AP1AR: variants seen among roughly 807,000 people sequenced by gnomAD.
AP1AR encodes the protein AP-1 complex-associated regulatory protein.
In AP1AR, 29 loss-of-function variants were observed where a neutral mutation model predicts 46.3. The ratio of observed to expected loss-of-function variants is 0.63; its 90% confidence interval spans 0.47 to 0.85. The LOEUF (loss-of-function observed/expected upper bound fraction) is 0.85, where lower values mean the gene tolerates loss of function less well. Among genes scored for constraint, AP1AR ranks in the 40% least tolerant of loss-of-function variants. The probability of loss-of-function intolerance (pLI) is 0.00; values close to 1 mark genes in which losing one functional copy is unlikely to be tolerated. For synonymous variants in AP1AR, 122 were observed against 122.9 expected, an observed-to-expected ratio of 0.99 and a Z score of 0.05; for missense variants, 357 against 356.3, an observed-to-expected ratio of 1.00 and a Z score of -0.02.
At chr4:112,239,877 C>T (rs896517389) in intron 1 of AP1AR, among the ~76,000 whole-genome samples, 1 of 152,208 alleles carries the variant, frequency 6.6e-6, no homozygotes, top group African/African-American at 2.4e-5. Flanking sequence ...AGTGTACCAG[C>T]GGTGCTTGCC....
chr4:112,244,918 C>T (rs1388217068), intron 1 of AP1AR, among the ~76,000 whole-genome samples: 1 of 152,066 alleles, frequency 6.6e-6, no homozygotes, highest in Non-Finnish European at 1.5e-5. Flanking sequence ...TGTTTTTTAG[C>T]TTCCTTATTT....
intron 3 of AP1AR, among the ~76,000 whole-genome samples, chr4:112,256,471 T>A (rs1192132067): frequency 6.6e-6 from 1 of 152,246 alleles, no homozygotes; most frequent in Non-Finnish European, 1.5e-5. Flanking sequence ...AGAGAACTCG[T>A]GATTCCATGG....
intron 8 of AP1AR, 84 bp from the exon 9 acceptor site, chr4:112,266,504 G>A (rs1180695063): frequency 8.1e-7 from 1 of 1,240,238 alleles, no homozygotes; most frequent in African/African-American, 1.6e-5. Flanking sequence ...AATATTTAGA[G>A]ACAGATAATT....
intron 9 of AP1AR, 96 bp downstream of exon 9, chr4:112,266,812 T>A: frequency 1.7e-6 from 2 of 1,200,032 alleles, no homozygotes; most frequent in Non-Finnish European, 2.3e-6. Context: ...GGAAATAAAT[T>A]CAAGGCCTTG....
chr4:112,247,834 A>G (rs1725787589), intron 1 of AP1AR, among the ~76,000 whole-genome samples: 1 of 152,244 alleles, frequency 6.6e-6, no homozygotes, highest in South Asian at 2.1e-4. Context: ...TGTACTCTGT[A>G]GTGAAATAAT....
At chr4:112,239,106 C>T (rs554161480) in intron 1 of AP1AR, among the ~76,000 whole-genome samples, 1 of 152,168 alleles carries the variant, frequency 6.6e-6, no homozygotes, top group African/African-American at 2.4e-5. Flanking sequence ...AAAACAGACC[C>T]TTCTGTCCTC....
chr4:112,248,325 C>G (rs979961789), intron 1 of AP1AR, among the ~76,000 whole-genome samples: 2 of 151,974 alleles, frequency 1.3e-5, no homozygotes, highest in African/African-American at 4.8e-5. Flanking sequence ...TTGAACAAAT[C>G]ATATGTGAAA....
Position 112,272,219 on chromosome 4 carries a change from TTAGAG to T in AP1AR, c.*3815_*3819del, listed in dbSNP as rs1383142979. On this transcript the variant is annotated 3_prime_UTR_variant, in exon 10 of 10. Transcript: ENST00000274000. ...GGTTTTTATTTAAAAGATACTAGCTTTAGAGTAGATAGGCAGATATGAACAGGGCA... is the reference window on the plus strand; with the variant it reads ...GGTTTTTATTTAAAAGATACTAGCTTTAGATAGGCAGATATGAACAGGGCA... Among the ~76,000 whole-genome samples, 8 of 151,864 alleles carry T rather than the reference TTAGAG, an allele frequency of 5.3e-5. No homozygotes were observed. The highest frequency in any genetic ancestry group is 1.3e-4 in the Admixed American group (2 of 15,232).
intron 4 of AP1AR, among the ~76,000 whole-genome samples, chr4:112,258,888 G>A (rs1726319012): frequency 6.6e-6 from 1 of 152,178 alleles, no homozygotes; most frequent in Non-Finnish European, 1.5e-5. Flanking sequence ...TAGAGCTGAA[G>A]GGACAGAAGT....
chr4:112,263,464 GTT>G (rs561616152), intron 6 of AP1AR, among the ~76,000 whole-genome samples: 97 of 142,384 alleles, frequency 6.8e-4, no homozygotes, highest in African/African-American at 1.9e-3. Context: ...TTTTGTGAGG[GTT>G]TTTTTTTTTT....
intron 1 of AP1AR, among the ~76,000 whole-genome samples, chr4:112,250,603 CATGTT>C (rs944568308): frequency 6.6e-6 from 1 of 152,102 alleles, no homozygotes; most frequent in African/African-American, 2.4e-5. Context: ...GGAATATATA[CATGTT>C]ATGTTTCTTG....
intron 2 of AP1AR, among the ~76,000 whole-genome samples, chr4:112,254,148 A>G (rs1247158886): frequency 1.3e-5 from 2 of 152,220 alleles, no homozygotes; most frequent in Non-Finnish European, 2.9e-5. Context: ...AAAACACTTT[A>G]GTGATATAAT....
At position 112,232,026 on chromosome 4, in the gene AP1AR, G is replaced by A. The variant is rs939540476; in HGVS notation, c.-66G>A. ...CGGCTCGTGCCGTGCGGATGCAGCT[G>A]CCGGGCCTGGGTTTGGGCATTGAGC... On this transcript the variant is annotated 5_prime_UTR_variant, in exon 1 of 10. Coordinates refer to ENST00000274000, the MANE Select transcript of AP1AR (RefSeq NM_018569.6). 1.1e-4 allele frequency: 140 copies of A among 1,298,440 alleles called. No individual in the cohort carries two copies. Among genetic ancestry groups the A allele is most frequent in the Non-Finnish European group, 1.3e-4 (136 of 1,011,166 alleles). The allele number at this position is 1,298,440 out of a possible 1,614,324, so 80.4% of individuals were successfully genotyped here.
intron 9 of AP1AR, among the ~76,000 whole-genome samples, chr4:112,267,626 A>G (rs1348322134): frequency 2.0e-5 from 3 of 151,950 alleles, no homozygotes; most frequent in African/African-American, 4.8e-5. Flanking sequence ...TACCTCAGCT[A>G]TAGAATGAGA....
intron 3 of AP1AR, among the ~76,000 whole-genome samples, chr4:112,255,267 A>T (rs933161763): frequency 8.4e-6 from 1 of 118,714 alleles, no homozygotes; most frequent in Non-Finnish European, 1.7e-5. Flanking sequence ...CCAATTCCGA[A>T]TTTTTTTACT....
intron 8 of AP1AR, 113 bp downstream of exon 8, chr4:112,265,920 G>T (rs767798255): frequency 1.5e-6 from 1 of 649,238 alleles, no homozygotes; most frequent in Non-Finnish European, 2.6e-6. Flanking sequence ...GTAATTCCCA[G>T]ATAGGTCAAT....
chr4:112,232,075 C>G lies in AP1AR; in HGVS notation c.-17C>G, dbSNP rs1474252863. ...GCGGGAGGAGGAGGAGGAGCGGCGGCGCCTGGGCGGCATGCGATGGGGAAC... is the reference window on the plus strand; with the variant it reads ...GCGGGAGGAGGAGGAGGAGCGGCGGGGCCTGGGCGGCATGCGATGGGGAAC... On this transcript the variant is annotated 5_prime_UTR_variant, in exon 1 of 10. Coordinates refer to ENST00000274000, the MANE Select transcript of AP1AR (RefSeq NM_018569.6). 2.2e-6 allele frequency: 3 copies of G among 1,347,526 alleles called. No homozygotes were observed. The highest frequency in any genetic ancestry group is 3.0e-5 in the African/African-American group (2 of 65,714). The allele number at this position is 1,347,526 out of a possible 1,614,324, so 83.5% of individuals were successfully genotyped here.
intron 1 of AP1AR, among the ~76,000 whole-genome samples, chr4:112,234,014 A>G (rs1449933721): frequency 6.6e-6 from 1 of 152,156 alleles, no homozygotes; most frequent in Non-Finnish European, 1.5e-5. Context: ...GCCCGCCACC[A>G]TGCCCGGCTA....
chr4:112,248,670 G>T (rs536166386), intron 1 of AP1AR, among the ~76,000 whole-genome samples: 1 of 152,276 alleles, frequency 6.6e-6, no homozygotes, highest in South Asian at 2.1e-4. Context: ...AAAACAGAGT[G>T]AATGCTAAAG....
Sources: gnomAD v4.1 joint callset for allele counts (sites outside exome capture counted in the v4.1 genomes callset) on GRCh38, gnomAD v4.1.1 for gene constraint, MANE v1.5 for transcripts, NCBI Gene and HGNC (gene_info 2026-07-23, HGNC 2026-07-21) for gene names.